The following TTC5 variants were observed in gnomAD, a reference collection of about 807,000 sequenced individuals.
TTC5 encodes tetratricopeptide repeat domain 5, also known as tetratricopeptide repeat protein 5.
In TTC5, 46 loss-of-function variants were observed where a neutral mutation model predicts 57.4. The observed-to-expected ratio is 0.80, with a 90% confidence interval of 0.63 to 1.03. The LOEUF (loss-of-function observed/expected upper bound fraction) is 1.03. Among genes scored for constraint, TTC5 ranks in the 50% least tolerant of loss-of-function variants. The pLI, the probability that TTC5 is intolerant of heterozygous loss-of-function variation, is 0.00. For missense variants in TTC5, 504 were observed against 528.1 expected (o/e 0.95, Z 0.45); for synonymous variants, 190 against 203.5 (o/e 0.93, Z 0.57).
chr14:20,299,223 G>A (rs1882130702), intron 4 of TTC5, 75 bp downstream of exon 4: 1 of 1,514,646 alleles, frequency 6.6e-7, no homozygotes. Context: ...ACACTCAAAA[G>A]AGGGACTGCA....
At chr14:20,291,392 C>T (rs114734644) in intron 9 of TTC5, among the ~76,000 whole-genome samples, 2,310 of 152,256 alleles carry the variant, frequency 0.015, 61 homozygotes, top group African/African-American at 0.052. Context: ...AGCAGTGAGC[C>T]AGATTTGGTC....
At chr14:20,305,739 G>T in intron 1 of TTC5, 148 bp downstream of exon 1, 1 of 789,474 alleles carries the variant, frequency 1.3e-6, no homozygotes, top group Non-Finnish European at 2.1e-6. Context: ...GCTGGCTGCG[G>T]CTGCACCCTC....
At chr14:20,302,970 A>G (rs1340694690) in intron 1 of TTC5, among the ~76,000 whole-genome samples, 1 of 151,990 alleles carries the variant, frequency 6.6e-6, no homozygotes, top group Non-Finnish European at 1.5e-5. Context: ...AGTCCAAGGC[A>G]GACGGATCAT....
intron 3 of TTC5, 30 bp from the exon 4 acceptor site, chr14:20,299,478 T>G: frequency 6.2e-7 from 1 of 1,608,630 alleles, no homozygotes; most frequent in Non-Finnish European, 8.5e-7. Context: ...ATACTCAATC[T>G]TCCTGATTCT....
intron 8 of TTC5, 160 bp from the exon 9 acceptor site, chr14:20,292,287 AAAAAT>A (rs1881971747): frequency 1.5e-5 from 6 of 409,474 alleles, no homozygotes. Flanking sequence ...ATTAAACTTT[AAAAAT>A]AAAATACTAA....
chr14:20,289,505 A>G lies in TTC5; in HGVS notation c.*122T>C. ...ATACGAAGTGTAATACAGGCAGGGA[A>G]AGAGAAAGTCTTCATTTAAAACATT... is the stretch of plus-strand genomic sequence containing the variant. On this transcript the variant is annotated 3_prime_UTR_variant, in exon 10 of 10. Transcript: ENST00000258821. 8.1e-7 allele frequency: 1 copy of G among 1,242,048 alleles called. No homozygotes were observed. Among genetic ancestry groups the G allele is most frequent in the Non-Finnish European group, 1.1e-6 (1 of 911,348 alleles). 76.9% of individuals were successfully genotyped at this position (1,242,048 alleles called of 1,614,324 possible).
intron 9 of TTC5, among the ~76,000 whole-genome samples, chr14:20,291,760 T>TG (rs1881957308): frequency 6.6e-6 from 1 of 152,072 alleles, no homozygotes. Context: ...AATACCTGAG[T>TG]GATAATATTT....
rs1881909986 is a variant in TTC5, at chr14:20,289,558, G to A, written c.*69C>T. 5 of 1,533,510 alleles carry A rather than the reference G, an allele frequency of 3.3e-6. No individual in the cohort carries two copies. The highest frequency in any genetic ancestry group is 4.4e-6 in the Non-Finnish European group (5 of 1,139,738). The allele number at this position is 1,533,510 out of a possible 1,614,324, so 95.0% of individuals were successfully genotyped here. A position where few individuals can be genotyped will look rare whatever the true frequency, so the allele number is the denominator to read the frequency against. Reference sequence around the variant, plus strand: ...TCCCATCCCTGCTGAATCACTGGATGTGGCTGGACCGGCTGTCCAGAGCCT... The same window carrying A: ...TCCCATCCCTGCTGAATCACTGGATATGGCTGGACCGGCTGTCCAGAGCCT... On this transcript the variant is annotated 3_prime_UTR_variant, in exon 10 of 10. Coordinates refer to ENST00000258821, the MANE Select transcript of TTC5 (RefSeq NM_138376.3).
In TTC5 at chr14:20,298,890, T is replaced by G; in HGVS notation, c.548-2A>C. ...AAAGATATGAATTCCCAAGAATATC[T>G]GAAAGAGAAACACAGTGACAAATCA... On this transcript the variant is annotated splice_acceptor_variant, in intron 4 of 9. Coordinates refer to ENST00000258821, the MANE Select transcript of TTC5 (RefSeq NM_138376.3). LOFTEE classifies it high-confidence loss of function. The G allele has an allele frequency of 6.2e-7, 1 of 1,602,984 alleles. No individual in the cohort carries two copies. Among genetic ancestry groups the G allele is most frequent in the Non-Finnish European group, 8.5e-7 (1 of 1,169,962 alleles).
At chr14:20,290,554 A>C (rs948743339) in intron 9 of TTC5, among the ~76,000 whole-genome samples, 2 of 152,222 alleles carry the variant, frequency 1.3e-5, no homozygotes, top group Non-Finnish European at 2.9e-5. Flanking sequence ...TGAGAAAAAA[A>C]CTACAGAGAA....
chr14:20,305,815 A>G (rs1321028679), intron 1 of TTC5, 72 bp downstream of exon 1: 3 of 1,406,410 alleles, frequency 2.1e-6, no homozygotes, highest in Non-Finnish European at 1.0e-6. Flanking sequence ...ATTCACGGGC[A>G]GTACATAAAC....
rs1305096568 is a variant in TTC5 at position 20,288,050 on chromosome 14, T to C, written c.*1577A>G. 1 of 152,238 alleles carries C rather than the reference T, an allele frequency of 6.6e-6. No individual in the cohort carries two copies. The highest frequency in any genetic ancestry group is 1.5e-5 in the Non-Finnish European group (1 of 68,042). The allele number at this position is 152,238 out of a possible 1,614,324, so 9.4% of individuals were successfully genotyped here. On this transcript the variant is annotated 3_prime_UTR_variant, in exon 10 of 10. Transcript: ENST00000258821. ...TTACTCATACTGACTTTAGCTTATC[T>C]ACTAAGATTCTTAGTAATATTCATA...
chr14:20,302,639 C>T (rs1186280821), intron 1 of TTC5, among the ~76,000 whole-genome samples: 1 of 152,158 alleles, frequency 6.6e-6, no homozygotes, highest in African/African-American at 2.4e-5. Flanking sequence ...TCTCTTTCCT[C>T]TTAAATGCCT....
At chr14:20,292,499 CTG>C (rs1165904442) in intron 8 of TTC5, 2 of 153,724 alleles carry the variant, frequency 1.3e-5, no homozygotes, top group Non-Finnish European at 2.9e-5. Flanking sequence ...AACATTATTC[CTG>C]GTCTATCAAT....
At chr14:20,300,966 T>C (rs1023421396) in intron 2 of TTC5, 148 bp from the exon 3 acceptor site, 2 of 651,950 alleles carry the variant, frequency 3.1e-6, no homozygotes, top group South Asian at 2.0e-5. Context: ...AAGCTCACCA[T>C]AGGCAGAGTG....
chr14:20,289,864 C>G (rs1404983729), intron 9 of TTC5, 118 bp from the exon 10 acceptor site: 8 of 1,090,666 alleles, frequency 7.3e-6, no homozygotes, highest in Non-Finnish European at 1.0e-5. Context: ...ACCCCCTCTA[C>G]TTCCATCTCA....
At chr14:20,298,357 G>A (rs1882108589) in intron 5 of TTC5, among the ~76,000 whole-genome samples, 1 of 152,156 alleles carries the variant, frequency 6.6e-6, no homozygotes, top group African/African-American at 2.4e-5. Context: ...TTTAGCCCAT[G>A]GGAAATCCAG....
intron 1 of TTC5, among the ~76,000 whole-genome samples, chr14:20,303,205 AAG>A (rs1159535251): frequency 1.3e-5 from 2 of 151,738 alleles, no homozygotes; most frequent in African/African-American, 2.4e-5. Context: ...AAAAAAAAAA[AAG>A]AGTCTCGTAG....
intron 9 of TTC5, among the ~76,000 whole-genome samples, chr14:20,291,580 G>A (rs914622513): frequency 2.6e-5 from 4 of 152,050 alleles, no homozygotes; most frequent in African/African-American, 7.2e-5. Flanking sequence ...TCATCACCCC[G>A]TGTCTACTCA....
Sources: allele counts gnomAD v4.1 joint callset (sites outside exome capture counted in the v4.1 genomes callset), GRCh38; gene constraint gnomAD v4.1.1; transcripts MANE v1.5; gene names NCBI Gene and HGNC (gene_info 2026-07-23, HGNC 2026-07-21).